Variants in SLC35F3 observed in about 807,000 individuals in gnomAD.
SLC35F3 encodes the protein solute carrier family 35 member F3, also known as putative thiamine transporter SLC35F3.
Under a neutral mutation model 49.9 loss-of-function variants are expected in SLC35F3, and 25 were observed. The observed-to-expected ratio is 0.50, with a 90% CI of 0.37 to 0.70. The LOEUF (loss-of-function observed/expected upper bound fraction) is 0.70. Ranked by LOEUF, SLC35F3 falls within the 30% of genes least tolerant of loss-of-function variation. The probability of loss-of-function intolerance (pLI) is 0.00; values close to 1 mark genes in which losing one functional copy is unlikely to be tolerated. For synonymous variants in SLC35F3, 275 were observed against 265.4 expected (o/e 1.04, Z -0.35); for missense variants, 525 against 639.8 (o/e 0.82, Z 1.94).
Position 234,214,283 on chromosome 1 carries a change from G to C in SLC35F3, c.284-17134G>C, listed in dbSNP as rs1469696566. ...GTGTGTGTGGAGTGGCTGCGCGGCCGGGGAGGATGTGCGCTGCAGGGCGGC... is the reference window on the plus strand; with the variant it reads ...GTGTGTGTGGAGTGGCTGCGCGGCCCGGGAGGATGTGCGCTGCAGGGCGGC... On this transcript the variant is annotated intron_variant, in intron 2 of 7. Coordinates refer to ENST00000366618, the MANE Select transcript of SLC35F3 (RefSeq NM_173508.4). The surrounding 1 kb of genome is among the most constrained non-coding windows in gnomAD (Gnocchi z 8.0). 1.6e-6 allele frequency: 2 copies of C among 1,273,930 alleles called. No individual in the cohort carries two copies. The highest frequency in any genetic ancestry group is 3.1e-5 in the African/African-American group (2 of 63,796). The allele number at this position is 1,273,930 out of a possible 1,614,324, so 78.9% of individuals were successfully genotyped here. A position where few individuals can be genotyped will look rare whatever the true frequency, so the allele number is the denominator to read the frequency against.
chr1:234,180,071 C>G (rs916204363), intron 2 of SLC35F3, among the ~76,000 whole-genome samples: 8 of 152,160 alleles, frequency 5.3e-5, no homozygotes, highest in African/African-American at 1.4e-4. Context: ...AACCCACTGC[C>G]AACCTCTAGG....
intron 2 of SLC35F3, among the ~76,000 whole-genome samples, chr1:234,185,623 T>C (rs1268699900): frequency 2.0e-5 from 3 of 152,186 alleles, no homozygotes; most frequent in Non-Finnish European, 4.4e-5. Flanking sequence ...GCTCCTCCCC[T>C]GGGGCCACTC....
intron 2 of SLC35F3, among the ~76,000 whole-genome samples, chr1:234,202,366 G>A (rs73110443): frequency 0.052 from 7,906 of 152,232 alleles, 667 homozygotes; most frequent in African/African-American, 0.18. Flanking sequence ...TGAGAGACAA[G>A]GGGGAAGTCT....
chr1:234,159,024 A>G (rs1436584763), intron 2 of SLC35F3, among the ~76,000 whole-genome samples: 1 of 152,126 alleles, frequency 6.6e-6, no homozygotes. Context: ...CTATTTTTTT[A>G]ATGGAACCCA....
chr1:234,075,663 G>A (rs1467409014), intron 2 of SLC35F3, among the ~76,000 whole-genome samples: 3 of 152,204 alleles, frequency 2.0e-5, no homozygotes, highest in Non-Finnish European at 4.4e-5. Flanking sequence ...TATCTAGGTA[G>A]TGGTGTGAAA....
chr1:234,306,900 G>A (rs1358433179), intron 3 of SLC35F3, among the ~76,000 whole-genome samples: 1 of 152,178 alleles, frequency 6.6e-6, no homozygotes, highest in Admixed American at 6.5e-5. Flanking sequence ...GAGCCAGGTG[G>A]AACTTGGAAA....
Position 234,231,368 on chromosome 1 carries a change from A to C in SLC35F3, c.284-49A>C. ...TGCAGGGCAGCGCCCTGCGAAGTGC[A>C]GGGGTGAAGGTCTGCAGGCCCCGCT... is the stretch of plus-strand genomic sequence containing the variant. On this transcript the variant is annotated intron_variant, in intron 2 of 7. Coordinates refer to ENST00000366618, the MANE Select transcript of SLC35F3 (RefSeq NM_173508.4). The surrounding 1 kb of genome is among the most constrained non-coding windows in gnomAD (Gnocchi z 5.4). The C allele has an allele frequency of 7.2e-7, 1 of 1,394,558 alleles. No individual in the cohort carries two copies. The highest frequency in any genetic ancestry group is 9.5e-7 in the Non-Finnish European group (1 of 1,052,186). The allele number at this position is 1,394,558 out of a possible 1,614,324, so 86.4% of individuals were successfully genotyped here.
intron 2 of SLC35F3, among the ~76,000 whole-genome samples, chr1:233,998,080 AAAAACG>A (rs1663490158): frequency 6.6e-6 from 1 of 152,128 alleles, no homozygotes; most frequent in Admixed American, 6.6e-5. Flanking sequence ...ATTTTTAATT[AAAAACG>A]AAAGCATTAT....
chr1:233,960,906 G>A (rs1279240793), intron 2 of SLC35F3, among the ~76,000 whole-genome samples: 2 of 152,066 alleles, frequency 1.3e-5, no homozygotes, highest in East Asian at 3.9e-4. Flanking sequence ...GGTTATTAGA[G>A]TGAGCCTGTG....
chr1:234,162,113 T>TA (rs1399220923), intron 2 of SLC35F3, among the ~76,000 whole-genome samples: 2 of 151,998 alleles, frequency 1.3e-5, no homozygotes, highest in African/African-American at 2.4e-5. Flanking sequence ...AGAAAACCCA[T>TA]AAGTTCTTGA....
chr1:233,969,066 G>GT (rs1370251991), intron 2 of SLC35F3, among the ~76,000 whole-genome samples: 1 of 150,330 alleles, frequency 6.7e-6, no homozygotes, highest in Non-Finnish European at 1.5e-5. Flanking sequence ...ATTTTGGGGG[G>GT]GGGGACACAA....
At chr1:234,216,367 G>A (rs1667121914) in intron 2 of SLC35F3, among the ~76,000 whole-genome samples, 2 of 152,216 alleles carry the variant, frequency 1.3e-5, no homozygotes, top group South Asian at 2.1e-4. Flanking sequence ...GGGGCAGGAC[G>A]CGGATGGTGG....
At chr1:234,286,839 G>GAC (rs1234182203) in intron 3 of SLC35F3, among the ~76,000 whole-genome samples, 13 of 152,176 alleles carry the variant, frequency 8.5e-5, no homozygotes, top group African/African-American at 1.7e-4. Context: ...CTCAAACGTT[G>GAC]TGAGTTTTGC....
At chr1:234,120,120 AG>A (rs1665549607) in intron 2 of SLC35F3, among the ~76,000 whole-genome samples, 1 of 152,198 alleles carries the variant, frequency 6.6e-6, no homozygotes, top group South Asian at 2.1e-4. Context: ...GCAGTGGGCA[AG>A]GGGACCACTG....
intron 4 of SLC35F3, among the ~76,000 whole-genome samples, chr1:234,310,842 A>G (rs1272100759): frequency 6.6e-6 from 1 of 152,212 alleles, no homozygotes; most frequent in African/African-American, 2.4e-5. Context: ...AACTTGAAAA[A>G]TACTCCTAAA....
At chr1:234,138,556 GA>G (rs1206078432) in intron 2 of SLC35F3, among the ~76,000 whole-genome samples, 7 of 152,106 alleles carry the variant, frequency 4.6e-5, no homozygotes, top group African/African-American at 1.7e-4. Flanking sequence ...ATCAAGAAGT[GA>G]ACTTGTTTTT....
chr1:233,983,837 G>A (rs61822011), intron 2 of SLC35F3, among the ~76,000 whole-genome samples: 5,266 of 152,240 alleles, frequency 0.035, 136 homozygotes, highest in Middle Eastern at 0.092. Flanking sequence ...CCCATGAGGC[G>A]GCATATCTGA....
chr1:234,136,003 G>T (rs546094013), intron 2 of SLC35F3, among the ~76,000 whole-genome samples: 1 of 152,180 alleles, frequency 6.6e-6, no homozygotes, highest in Non-Finnish European at 1.5e-5. Context: ...AGAATAGAAA[G>T]CAAAAAGATA....
intron 3 of SLC35F3, among the ~76,000 whole-genome samples, chr1:234,238,292 G>T (rs956406143): frequency 5.3e-5 from 8 of 152,180 alleles, no homozygotes; most frequent in African/African-American, 1.9e-4. Flanking sequence ...CTGAATAGCA[G>T]ATGTCTGGTA....
Sources: gnomAD v4.1 joint callset for allele counts (sites outside exome capture counted in the v4.1 genomes callset) on GRCh38, gnomAD v4.1.1 for gene constraint, Gnocchi (gnomAD v3.1) non-coding constraint, MANE v1.5 for transcripts, NCBI Gene and HGNC (gene_info 2026-07-23, HGNC 2026-07-21) for gene names.